Variants in RBM47 observed in about 807,000 individuals in gnomAD.
RBM47 encodes the protein RNA-binding protein 47.
In RBM47, 21 loss-of-function variants were observed where a neutral mutation model predicts 47.1. The observed-to-expected ratio is 0.45, with a 90% CI of 0.32 to 0.64. RBM47 has a LOEUF of 0.64. RBM47 is among the 30% of genes least tolerant of loss of function. RBM47 has a pLI of 0.05. For missense variants in RBM47, 708 were observed against 870.9 expected (o/e 0.81, Z 2.35); for synonymous variants, 375 against 361.7 (o/e 1.04, Z -0.42).
rs561181298 is a variant in RBM47, at chr4:40,456,879, G to A, written c.-32+9698C>T. Reference sequence around the variant, plus strand: ...CTCCCAAAGTGCTGGGATTAAAGGCGTGAGCCAACACGCCCGGCCAGCCTC... The same window carrying A: ...CTCCCAAAGTGCTGGGATTAAAGGCATGAGCCAACACGCCCGGCCAGCCTC... On this transcript the variant is annotated intron_variant, in intron 3 of 6. Transcript: ENST00000295971. Among the ~76,000 whole-genome samples, 3 of 152,076 alleles carry A rather than the reference G, an allele frequency of 2.0e-5. No individual in the cohort carries two copies. The South Asian group carries it at 6.2e-4, about 32-fold the overall frequency.
intron 1 of RBM47, among the ~76,000 whole-genome samples, chr4:40,551,493 G>C (rs79301640): frequency 0.077 from 11,717 of 151,794 alleles, 702 homozygotes; most frequent in African/African-American, 0.17. Context: ...TAAACAAATA[G>C]TACCTAATAA....
intron 2 of RBM47, among the ~76,000 whole-genome samples, chr4:40,473,186 C>T (rs1208579714): frequency 6.6e-6 from 1 of 152,146 alleles, no homozygotes; most frequent in Non-Finnish European, 1.5e-5. Flanking sequence ...CTAAGCATTC[C>T]ACATACATCG....
intron 4 of RBM47, among the ~76,000 whole-genome samples, chr4:40,437,090 A>AAAAAAAAAAAATATATATAT (rs1256296949): frequency 1.4e-4 from 7 of 49,798 alleles, no homozygotes; most frequent in African/African-American, 5.5e-4. Flanking sequence ...AAAAAAAAAA[A>AAAAAAAAAAAATATATATAT]ATATATATAT....
intron 1 of RBM47, among the ~76,000 whole-genome samples, chr4:40,614,690 C>T (rs1736561593): frequency 6.6e-6 from 1 of 151,620 alleles, no homozygotes; most frequent in Non-Finnish European, 1.5e-5. Context: ...AAAAAATTAA[C>T]TGAGCTGGCA....
intron 2 of RBM47, among the ~76,000 whole-genome samples, chr4:40,467,103 A>G (rs13136950): frequency 0.23 from 34,256 of 152,040 alleles, 4,353 homozygotes; most frequent in Non-Finnish European, 0.26. Flanking sequence ...AAATAATCAT[A>G]TCTAGCTCAT....
intron 2 of RBM47, among the ~76,000 whole-genome samples, chr4:40,486,772 TC>T (rs1341916061): frequency 6.6e-6 from 1 of 152,132 alleles, no homozygotes; most frequent in African/African-American, 2.4e-5. Flanking sequence ...CAGGAGGACT[TC>T]CCCCATGTAA....
At chr4:40,436,692 G>T in intron 4 of RBM47, 45 bp from the exon 5 acceptor site, 3 of 1,582,572 alleles carry the variant, frequency 1.9e-6, no homozygotes, top group Non-Finnish European at 2.6e-6. Flanking sequence ...AACAGTGACG[G>T]TGCTGGAGGC....
At chr4:40,454,566 C>T (rs994978579) in intron 3 of RBM47, among the ~76,000 whole-genome samples, 1 of 152,184 alleles carries the variant, frequency 6.6e-6, no homozygotes, top group African/African-American at 2.4e-5. Flanking sequence ...GGCACCATCT[C>T]AGCTCACTGC....
chr4:40,538,985 G>A (rs547482432), intron 2 of RBM47, among the ~76,000 whole-genome samples: 1 of 152,030 alleles, frequency 6.6e-6, no homozygotes, highest in African/African-American at 2.4e-5. Context: ...ACTCTGCTGG[G>A]GCCAGGATAG....
chr4:40,593,744 C>T (rs558727081), intron 1 of RBM47, among the ~76,000 whole-genome samples: 36 of 152,134 alleles, frequency 2.4e-4, no homozygotes, highest in Admixed American at 9.8e-4. Flanking sequence ...ATTAGCTGGG[C>T]GTGGTGGCGG....
intron 2 of RBM47, among the ~76,000 whole-genome samples, chr4:40,530,087 C>T (rs1422952652): frequency 6.7e-6 from 1 of 150,270 alleles, no homozygotes; most frequent in African/African-American, 2.4e-5. Flanking sequence ...AGGCGTGTGC[C>T]ACCACACCTG....
At position 40,605,549 on chromosome 4, in the gene RBM47, G is replaced by A. The variant is rs943604767; in HGVS notation, c.-240+23847C>T. Among the ~76,000 whole-genome samples the A allele has an allele frequency of 1.1e-4, 16 of 151,914 alleles. No individual in the cohort carries two copies. The East Asian group carries it at 1.7e-3, about 17-fold the overall frequency. On this transcript the variant is annotated intron_variant, in intron 1 of 6. Transcript: ENST00000295971. The stretch of plus-strand genomic sequence containing the variant: ...GCATATTAGAAAAATACTGGTCTTC[G>A]GCCGGGCACGGTGGCTCACGCCTGT...
At chr4:40,573,170 A>G (rs1199837033) in intron 1 of RBM47, among the ~76,000 whole-genome samples, 1 of 151,616 alleles carries the variant, frequency 6.6e-6, no homozygotes, top group African/African-American at 2.4e-5. Context: ...AAAAAAAAAA[A>G]AAAATTGTAG....
intron 1 of RBM47, among the ~76,000 whole-genome samples, chr4:40,544,914 A>T (rs1728871316): frequency 6.6e-6 from 1 of 152,106 alleles, no homozygotes; most frequent in Non-Finnish European, 1.5e-5. Flanking sequence ...CTACAAAAAA[A>T]TTTAAAATTA....
At chr4:40,511,612 G>C (rs899397815) in intron 2 of RBM47, among the ~76,000 whole-genome samples, 2 of 152,178 alleles carry the variant, frequency 1.3e-5, no homozygotes, top group Non-Finnish European at 2.9e-5. Context: ...CCTAACAGGA[G>C]GATCCAACGT....
chr4:40,521,676 G>T (rs113749233), intron 2 of RBM47, among the ~76,000 whole-genome samples: 35 of 152,268 alleles, frequency 2.3e-4, no homozygotes, highest in African/African-American at 8.2e-4. Flanking sequence ...TGATTATTTA[G>T]ACTTGAATAT....
At chr4:40,505,375 C>CT (rs1304414531) in intron 2 of RBM47, among the ~76,000 whole-genome samples, 2 of 151,464 alleles carry the variant, frequency 1.3e-5, no homozygotes, top group African/African-American at 4.9e-5. Context: ...GCCTGTGTTC[C>CT]CAGCTACTTG....
chr4:40,560,740 G>A (rs775376202), intron 1 of RBM47, among the ~76,000 whole-genome samples: 12 of 152,222 alleles, frequency 7.9e-5, no homozygotes, highest in Non-Finnish European at 1.6e-4. Context: ...GCCAAGGCAG[G>A]TGGATTACGA....
At chr4:40,524,985 G>T (rs1285623844) in intron 2 of RBM47, among the ~76,000 whole-genome samples, 1 of 152,200 alleles carries the variant, frequency 6.6e-6, no homozygotes, top group Non-Finnish European at 1.5e-5. Context: ...AGGCTTGATA[G>T]TAAACAAAAT....
Sources: gnomAD v4.1 joint callset for allele counts (sites outside exome capture counted in the v4.1 genomes callset) on GRCh38, gnomAD v4.1.1 for gene constraint, MANE v1.5 for transcripts, NCBI Gene and HGNC (gene_info 2026-07-23, HGNC 2026-07-21) for gene names.